Variants in CENPO observed in about 807,000 individuals in gnomAD.
The protein encoded by CENPO is centromeric protein O.
A neutral mutation model predicts 36.1 loss-of-function variants in CENPO; 30 were observed. The observed-to-expected ratio is 0.83, with a 90% CI of 0.62 to 1.13. The LOEUF (loss-of-function observed/expected upper bound fraction) is 1.13. CENPO is among the 50% of genes most tolerant of loss of function. The pLI, the probability that CENPO is intolerant of heterozygous loss-of-function variation, is 0.00. For synonymous variants in CENPO, 171 were observed against 142.3 expected, an observed-to-expected ratio of 1.20 and a Z score of -1.44; for missense variants, 349 against 357.8, an observed-to-expected ratio of 0.98 and a Z score of 0.20.
In CENPO at chr2:24,815,572, C is replaced by G; in HGVS notation, c.410C>G (p.Ser137Cys). Residue 137 changes from serine to cysteine, a missense_variant, in exon 5 of 8, where the codon TCC becomes TGC. Transcript: ENST00000380834. Reference protein sequence around the residue: ...STAFEGNLLDSYFVDLVIQKP... With the variant: ...STAFEGNLLDCYFVDLVIQKP... ...GCTTTTGAGGGGAACCTATTGGATTCCTATTTTGTGGACCTTGTCATACAG... is the reference window on the plus strand; with the variant it reads ...GCTTTTGAGGGGAACCTATTGGATTGCTATTTTGTGGACCTTGTCATACAG... The G allele has an allele frequency of 6.2e-7, 1 of 1,613,884 alleles. No homozygotes were observed. The highest frequency in any genetic ancestry group is 8.5e-7 in the Non-Finnish European group (1 of 1,179,800).
At chr2:24,801,988 C>T (rs1666183699) in intron 3 of CENPO, among the ~76,000 whole-genome samples, 1 of 152,102 alleles carries the variant, frequency 6.6e-6, no homozygotes, top group Admixed American at 6.6e-5. Context: ...TTGTTTGTGT[C>T]CTCTTTTATT....
chr2:24,816,835 G>C lies in CENPO; in HGVS notation c.766+18G>C. ...ATGTCAAGGTAAGAAGGGTGCCTCAGTGCAGAAATTCTCATATCCCAGTTT... is the reference window on the plus strand; with the variant it reads ...ATGTCAAGGTAAGAAGGGTGCCTCACTGCAGAAATTCTCATATCCCAGTTT... On this transcript the variant is annotated intron_variant, in intron 6 of 7. Transcript: ENST00000380834. The C allele has an allele frequency of 6.4e-7, 1 of 1,563,316 alleles. No individual in the cohort carries two copies. The highest frequency in any genetic ancestry group is 8.7e-7 in the Non-Finnish European group (1 of 1,155,900).
intron 3 of CENPO, among the ~76,000 whole-genome samples, chr2:24,802,811 A>C (rs1162241278): frequency 6.6e-6 from 1 of 152,160 alleles, no homozygotes; most frequent in Non-Finnish European, 1.5e-5. Flanking sequence ...TGTCTCTGCC[A>C]GGCTTTGGTA....
In CENPO at chr2:24,820,816, T is replaced by G. The variant is rs1667527282; in HGVS notation, c.*1498T>G. 2 of 1,613,992 alleles carry G rather than the reference T, an allele frequency of 1.2e-6. No individual in the cohort carries two copies. The highest frequency in any genetic ancestry group is 1.7e-5 in the Admixed American group (1 of 59,996). ...TCGTAGTGTGGTTTCCGGGCTCCGA[T>G]GACCCCAGCCAGAACCCCGCCTTTG... On this transcript the variant is annotated 3_prime_UTR_variant, in exon 8 of 8. Transcript: ENST00000380834.
chr2:24,808,635 T>C (rs1156661464), intron 3 of CENPO, among the ~76,000 whole-genome samples: 2 of 152,220 alleles, frequency 1.3e-5, no homozygotes, highest in Non-Finnish European at 2.9e-5. Flanking sequence ...TCCCTTATTT[T>C]ATTAATTTGT....
At chr2:24,807,171 C>CT (rs1198604463) in intron 3 of CENPO, among the ~76,000 whole-genome samples, 18 of 151,266 alleles carry the variant, frequency 1.2e-4, no homozygotes, top group East Asian at 7.7e-4. Flanking sequence ...TTCTTCCGTT[C>CT]TTTTTTTTTA....
At position 24,815,519 on chromosome 2, in the gene CENPO, C is replaced by A. The variant is rs956099930; in HGVS notation, c.357C>A (p.Ser119Arg). ...HFTGLSGKLT[S>R]RGVCVCISTA... ...CAGGCCTCAGTGGTAAACTGACCAG[C>A]CGAGGAGTTTGTGTCTGCATCAGTA... Residue 119 changes from serine (S) to arginine (R), a missense_variant, in exon 5 of 8, where the codon AGC becomes AGA. Coordinates refer to ENST00000380834, the MANE Select transcript of CENPO (RefSeq NM_001322101.2). 2.5e-6 allele frequency: 4 copies of A among 1,613,794 alleles called. No individual in the cohort carries two copies. Among genetic ancestry groups the A allele is most frequent in the African/African-American group, 1.3e-5 (1 of 74,896 alleles).
rs1572774718 is a variant in CENPO, at chr2:24,822,323, G to C, written c.*3005G>C. 1.3e-6 allele frequency: 1 copy of C among 792,664 alleles called. No individual in the cohort carries two copies. The highest frequency in any genetic ancestry group is 2.8e-5 in the East Asian group (1 of 35,742). The allele number at this position is 792,664 out of a possible 1,614,324, so 49.1% of individuals were successfully genotyped here. Reference sequence around the variant, plus strand: ...GTGAACAGCAGGGGGTTGTGTGTCTGTTCTGTTTCTCTGCTTGCCGAACTT... The same window carrying C: ...GTGAACAGCAGGGGGTTGTGTGTCTCTTCTGTTTCTCTGCTTGCCGAACTT... On this transcript the variant is annotated 3_prime_UTR_variant, in exon 8 of 8. Transcript: ENST00000380834.
chr2:24,817,750 G>C lies in CENPO; in HGVS notation c.847G>C (p.Val283Leu), dbSNP rs575767890. 6.2e-7 allele frequency: 1 copy of C among 1,614,222 alleles called. No individual in the cohort carries two copies. Among genetic ancestry groups the C allele is most frequent in the African/African-American group, 1.3e-5 (1 of 75,054 alleles). Reference protein sequence around the residue: ...TLFCTKPLHQVFASFTRKGEK... With the variant: ...TLFCTKPLHQLFASFTRKGEK... Reference sequence around the variant, plus strand: ...GTTCTGTACGAAGCCCTTGCATCAAGTGTTTGCCTCATTTACAAGAAAAGG... The same window carrying C: ...GTTCTGTACGAAGCCCTTGCATCAACTGTTTGCCTCATTTACAAGAAAAGG... The change falls in exon 7 of 8, where the codon GTG becomes CTG. Residue 283 changes from valine to leucine, a missense_variant. Val to Leu is a conservative substitution (Grantham distance 32). Coordinates refer to ENST00000380834, the MANE Select transcript of CENPO (RefSeq NM_001322101.2).
intron 3 of CENPO, among the ~76,000 whole-genome samples, chr2:24,804,120 A>G (rs1325372141): frequency 3.3e-5 from 5 of 151,980 alleles, no homozygotes; most frequent in Admixed American, 2.6e-4. Context: ...TGTTGGTTGA[A>G]AGTCTGTTTT....
intron 2 of CENPO, among the ~76,000 whole-genome samples, chr2:24,797,784 C>T (rs1665975960): frequency 6.6e-6 from 1 of 152,104 alleles, no homozygotes; most frequent in East Asian, 1.9e-4. Flanking sequence ...GCATATAGTG[C>T]TGGGAGGTGA....
At position 24,799,808 on chromosome 2, in the gene CENPO, T is replaced by C. The variant is rs1161810809; in HGVS notation, c.180T>C (p.Asp60=). 6.2e-7 allele frequency: 1 copy of C among 1,613,646 alleles called. No homozygotes were observed. Among genetic ancestry groups the C allele is most frequent in the East Asian group, 2.2e-5 (1 of 44,890 alleles). Residue 60 remains aspartate, a synonymous_variant, in exon 3 of 8, where the codon GAT becomes GAC. Coordinates refer to ENST00000380834, the MANE Select transcript of CENPO (RefSeq NM_001322101.2). ...TKIHKLRRLR[D]ELRAVVRHRR... ...TTCATAAACTAAGGCGTCTGCGAGA[T>C]GAGCTGAGGGCTGTGGTGCGGCACC...
rs184363576 is a variant in CENPO at position 24,802,938 on chromosome 2, G to A, written c.216+3094G>A. 1.8e-3 allele frequency among the ~76,000 whole-genome samples: 274 copies of A among 152,234 alleles called. 6 individuals are homozygous for A. The East Asian group carries it at 0.019, about 10-fold the overall frequency. On this transcript the variant is annotated intron_variant, in intron 3 of 7. Coordinates refer to ENST00000380834, the MANE Select transcript of CENPO (RefSeq NM_001322101.2). ...CTCCTTGTACCTCTGGTAGAATTCG[G>A]CTGTGAATCTATCTGGTCTTGGACT...
intron 7 of CENPO, chr2:24,819,117 A>C (rs570492151): frequency 6.5e-6 from 1 of 152,816 alleles, no homozygotes; most frequent in East Asian, 1.9e-4. Context: ...ATGAGTCAGC[A>C]AAGTACCAGC....
At chr2:24,794,066 T>A in intron 2 of CENPO, 101 bp downstream of exon 2, 1 of 900,164 alleles carries the variant, frequency 1.1e-6, no homozygotes, top group Non-Finnish European at 1.9e-6. Context: ...CCTGGCCTGT[T>A]TGGGAGCAGA....
Position 24,817,800 on chromosome 2 carries a change from C to T in CENPO, c.897C>T (p.Val299=). The T allele has an allele frequency of 6.2e-7, 1 of 1,614,122 alleles. No homozygotes were observed. The highest frequency in any genetic ancestry group is 8.5e-7 in the Non-Finnish European group (1 of 1,180,020). ...GAGAAAAGTTGGATATGAGTCTGGT[C>T]TCCTAATAGATTGTTTTCACTGCAC... is the stretch of plus-strand genomic sequence containing the variant. ...RKGEKLDMSL[V]S is the part of the protein sequence containing the mutation. The change falls in exon 7 of 8, where the codon GTC becomes GTT. Residue 299 remains valine, a synonymous_variant. Transcript: ENST00000380834.
chr2:24,815,972 A>T, intron 5 of CENPO: 2 of 560,436 alleles, frequency 3.6e-6, no homozygotes, highest in Non-Finnish European at 6.4e-6. Flanking sequence ...TTAAAGGATT[A>T]TGCACCCCTG....
At chr2:24,804,240 G>T (rs1666280784) in intron 3 of CENPO, among the ~76,000 whole-genome samples, 1 of 151,934 alleles carries the variant, frequency 6.6e-6, no homozygotes, top group African/African-American at 2.4e-5. Context: ...ACATGAGATG[G>T]GTCTCCTGAA....
chr2:24,796,989 G>C (rs775377032), intron 2 of CENPO, among the ~76,000 whole-genome samples: 1 of 152,184 alleles, frequency 6.6e-6, no homozygotes, highest in Non-Finnish European at 1.5e-5. Context: ...AGTAGGCCTC[G>C]TAGGCAGTGT....
Sources: gnomAD v4.1 joint callset for allele counts (sites outside exome capture counted in the v4.1 genomes callset) on GRCh38, gnomAD v4.1.1 for gene constraint, MANE v1.5 for transcripts, NCBI Gene and HGNC (gene_info 2026-07-23, HGNC 2026-07-21) for gene names.